The following STK32C variants were observed in gnomAD, a reference collection of about 807,000 sequenced individuals.
STK32C encodes the protein serine/threonine kinase 32C.
In STK32C, 31 loss-of-function variants were observed where a neutral mutation model predicts 56.5. That is an observed-to-expected ratio of 0.55 (90% CI 0.41 to 0.74). The LOEUF is 0.74. Ranked by LOEUF, STK32C falls within the 30% of genes least tolerant of loss-of-function variation. The pLI is 0.00. For missense variants in STK32C, 544 were observed against 676.9 expected (o/e 0.80, Z 2.18); for synonymous variants, 309 against 289.4 (o/e 1.07, Z -0.69).
intron 1 of STK32C, among the ~76,000 whole-genome samples, chr10:132,297,619 A>G (rs1044607976): frequency 1.1e-4 from 16 of 152,242 alleles, no homozygotes; most frequent in African/African-American, 3.4e-4. Context: ...GAGATAAAAC[A>G]TCACTTCAGA....
chr10:132,209,177 G>C, intron 10 of STK32C, 76 bp from the exon 11 acceptor site: 1 of 1,392,684 alleles, frequency 7.2e-7, no homozygotes, highest in Non-Finnish European at 1.0e-6. Flanking sequence ...GTGAGTGTCT[G>C]GGCATCCCCA....
At chr10:132,324,254 G>A (rs768366056) in exon 2 of STK32C, 6 of 779,572 alleles carry the variant, frequency 7.7e-6, no homozygotes, top group Non-Finnish European at 1.4e-5. Context: ...CCTCTTGATG[G>A]GCCACAGAAC....
intron 1 of STK32C, among the ~76,000 whole-genome samples, chr10:132,269,326 C>A (rs1267221010): frequency 6.6e-6 from 1 of 152,230 alleles, no homozygotes; most frequent in Non-Finnish European, 1.5e-5. Context: ...TGCCTGGCCT[C>A]ATCTGACCGA....
chr10:132,290,145 A>G (rs1268016120), intron 1 of STK32C, among the ~76,000 whole-genome samples: 1 of 152,148 alleles, frequency 6.6e-6, no homozygotes, highest in African/African-American at 2.4e-5. Context: ...ATAGACCCCA[A>G]GAAGAACCCC....
At chr10:132,270,122 G>T (rs889781538) in intron 1 of STK32C, among the ~76,000 whole-genome samples, 2 of 152,248 alleles carry the variant, frequency 1.3e-5, no homozygotes, top group African/African-American at 2.4e-5. Flanking sequence ...CCCACGTGAG[G>T]AGGAGGCCGA....
intron 2 of STK32C, among the ~76,000 whole-genome samples, chr10:132,231,469 C>T (rs1478506147): frequency 6.6e-6 from 1 of 152,210 alleles, no homozygotes; most frequent in Non-Finnish European, 1.5e-5. Context: ...GCAAGTCTTC[C>T]TATATGCCAG....
At position 132,307,487 on chromosome 10, in the gene STK32C, G is replaced by A. The variant is rs1318449947; in HGVS notation, c.262+85C>T. 2.3e-5 allele frequency: 32 copies of A among 1,412,090 alleles called. No individual in the cohort carries two copies. The highest frequency in any genetic ancestry group is 6.1e-5 in the East Asian group (2 of 32,734). 87.5% of individuals were successfully genotyped at this position (1,412,090 alleles called of 1,614,324 possible). ...CGGGAAGCCGTCCCGGACACCGGGG[G>A]AACCCCTGCGGGAAAAAGCCGCCCA... On this transcript the variant is annotated intron_variant, in intron 1 of 11. Coordinates refer to ENST00000298630, the MANE Select transcript of STK32C (RefSeq NM_173575.4). The surrounding 1 kb of genome is among the most constrained non-coding windows in gnomAD (Gnocchi z 4.4).
At chr10:132,293,088 G>A (rs930288375) in intron 1 of STK32C, among the ~76,000 whole-genome samples, 7 of 152,258 alleles carry the variant, frequency 4.6e-5, no homozygotes, top group Non-Finnish European at 1.0e-4. Context: ...CGGGGAGCAC[G>A]GCACGTGCGG....
intron 1 of STK32C, among the ~76,000 whole-genome samples, chr10:132,294,017 C>T (rs962138743): frequency 2.6e-5 from 4 of 152,128 alleles, no homozygotes; most frequent in Non-Finnish European, 4.4e-5. Context: ...CATCAGGACT[C>T]GCATTTGAAC....
In STK32C at chr10:132,331,363, G is replaced by A. The variant is rs942718432; in HGVS notation, c.301+73C>T. ...ACTCCAGGGTTCCACAGGACCACGC[G>A]AGCACCTCCCCTCCCGCCCGGTGTC... On this transcript the variant is annotated intron_variant, in intron 1 of 1. Transcript: ENST00000368619. The A allele has an allele frequency of 2.0e-5, 29 of 1,474,894 alleles. No homozygotes were observed. The South Asian group carries it at 3.2e-4, about 16-fold the overall frequency. 91.4% of individuals were successfully genotyped at this position (1,474,894 alleles called of 1,614,324 possible). A position where few individuals can be genotyped will look rare whatever the true frequency, so the allele number is the denominator to read the frequency against.
At chr10:132,331,819 C>T (rs749447423) in exon 1 of STK32C, 2 of 1,551,916 alleles carry the variant, frequency 1.3e-6, no homozygotes, top group African/African-American at 1.4e-5. Context: ...GACCACCACC[C>T]CTTCAAGGCC....
intron 1 of STK32C, among the ~76,000 whole-genome samples, chr10:132,268,182 T>C (rs956853965): frequency 2.7e-4 from 39 of 146,336 alleles, no homozygotes; most frequent in Admixed American, 7.5e-4. Flanking sequence ...TGCATGTGTA[T>C]GCAGGTTCAG....
chr10:132,311,626 C>A (rs893982573), upstream of STK32C, among the ~76,000 whole-genome samples: 10 of 152,210 alleles, frequency 6.6e-5, no homozygotes, highest in Non-Finnish European at 1.2e-4. The surrounding 1 kb of genome is among the most constrained non-coding windows in gnomAD (Gnocchi z 4.4). Context: ...CCCTCGCCCC[C>A]ACTGCAGTGC....
chr10:132,219,122 T>A (rs1565067548), intron 10 of STK32C, among the ~76,000 whole-genome samples: 1 of 152,172 alleles, frequency 6.6e-6, no homozygotes, highest in Admixed American at 6.5e-5. Context: ...AAAATCAGAT[T>A]GTGGTGGAGA....
At chr10:132,211,499 C>G (rs759074723) in intron 10 of STK32C, among the ~76,000 whole-genome samples, 3 of 152,246 alleles carry the variant, frequency 2.0e-5, no homozygotes, top group Non-Finnish European at 4.4e-5. Context: ...AGGGGTGGCT[C>G]TGAGCAGCGC....
chr10:132,218,557 G>A (rs755423823), intron 10 of STK32C, among the ~76,000 whole-genome samples: 4 of 152,086 alleles, frequency 2.6e-5, no homozygotes, highest in Non-Finnish European at 5.9e-5. Context: ...AACAGGACTT[G>A]GTAAATATAT....
intron 1 of STK32C, among the ~76,000 whole-genome samples, chr10:132,289,910 G>A (rs2065514885): frequency 3.3e-5 from 5 of 152,220 alleles, no homozygotes; most frequent in Admixed American, 3.3e-4. Flanking sequence ...ACATGAAAGA[G>A]TCGTGAATAT....
At chr10:132,220,987 C>T (rs1424319106) in intron 10 of STK32C, among the ~76,000 whole-genome samples, 1 of 152,266 alleles carries the variant, frequency 6.6e-6, no homozygotes, top group Non-Finnish European at 1.5e-5. Flanking sequence ...AGTTCACGCA[C>T]AGCCGGCTGT....
chr10:132,212,704 C>A (rs113745657), intron 10 of STK32C, among the ~76,000 whole-genome samples: 1 of 152,208 alleles, frequency 6.6e-6, no homozygotes, highest in African/African-American at 2.4e-5. Flanking sequence ...GACATGACTC[C>A]GACGAAGAAA....
Sources: allele counts gnomAD v4.1 joint callset (sites outside exome capture counted in the v4.1 genomes callset), GRCh38; gene constraint gnomAD v4.1.1; non-coding constraint Gnocchi (gnomAD v3.1); transcripts MANE v1.5; gene names NCBI Gene and HGNC (gene_info 2026-07-23, HGNC 2026-07-21).